CDYL: variants seen among roughly 807,000 people sequenced by gnomAD.
The protein encoded by CDYL is chromodomain Y-like protein.
CDYL carries 8 observed loss-of-function variants against 47.3 expected under a neutral mutation model. The ratio of observed to expected loss-of-function variants is 0.17; its 90% CI spans 0.10 to 0.31. CDYL has a LOEUF of 0.31. CDYL is among the 10% of genes least tolerant of loss of function. CDYL has a pLI of 1.00. For synonymous variants in CDYL, 266 were observed against 265.0 expected (o/e 1.00, Z -0.04); for missense variants, 471 against 701.4 (o/e 0.67, Z 3.71).
chr6:4,926,599 G>C (rs1757880856), intron 2 of CDYL, among the ~76,000 whole-genome samples: 1 of 152,170 alleles, frequency 6.6e-6, no homozygotes, highest in Non-Finnish European at 1.5e-5. Flanking sequence ...AGACATTTTT[G>C]TCTGGATTTT....
chr6:4,890,352 A>G (rs1387362426), intron 1 of CDYL, among the ~76,000 whole-genome samples: 3 of 152,214 alleles, frequency 2.0e-5, no homozygotes, highest in Non-Finnish European at 2.9e-5. Flanking sequence ...TTTCCCTGCT[A>G]TGATACGGAC....
intron 2 of CDYL, among the ~76,000 whole-genome samples, chr6:4,722,564 A>G (rs1757392032): frequency 6.6e-6 from 1 of 152,100 alleles, no homozygotes; most frequent in Admixed American, 6.5e-5. Flanking sequence ...TACAGTTTTA[A>G]AACTAAAACT....
At chr6:4,707,579 A>G (rs890470709) in intron 1 of CDYL, among the ~76,000 whole-genome samples, 4 of 152,124 alleles carry the variant, frequency 2.6e-5, no homozygotes, top group African/African-American at 9.7e-5. Context: ...GCTGTCTGTT[A>G]AACTGTTTAC....
upstream of CDYL, chr6:4,775,189 C>G (rs1186626116): frequency 6.5e-6 from 1 of 152,896 alleles, no homozygotes; most frequent in Non-Finnish European, 1.5e-5. This position sits in a 1 kb window ranked among gnomAD's most constrained non-coding sequence, Gnocchi z 7.0. Flanking sequence ...CATGGAGGAA[C>G]TGGCGAGGGC....
chr6:4,768,988 C>T (rs529256594), intron 3 of CDYL, among the ~76,000 whole-genome samples: 10 of 152,208 alleles, frequency 6.6e-5, no homozygotes, highest in South Asian at 2.1e-4. Flanking sequence ...ATTCTGCAAA[C>T]GTTTCACAAA....
chr6:4,890,195 T>A, intron 1 of CDYL: 3 of 970,420 alleles, frequency 3.1e-6, no homozygotes, highest in Non-Finnish European at 3.7e-6. Flanking sequence ...TCATTGCCCC[T>A]TTTCTTTTAA....
intron 1 of CDYL, among the ~76,000 whole-genome samples, chr6:4,877,214 A>C (rs1761644128): frequency 6.6e-6 from 1 of 152,190 alleles, no homozygotes; most frequent in Non-Finnish European, 1.5e-5. Flanking sequence ...TGTTTCATAG[A>C]TATTATCTCC....
chr6:4,927,231 G>T (rs1757901449), intron 2 of CDYL, among the ~76,000 whole-genome samples: 1 of 152,024 alleles, frequency 6.6e-6, no homozygotes. Context: ...GAATTATAAG[G>T]GCAGGGGTTG....
intron 1 of CDYL, chr6:4,714,992 AGTT>A (rs767783422): frequency 5.3e-4 from 81 of 152,280 alleles, no homozygotes; most frequent in African/African-American, 1.9e-3. Flanking sequence ...AAATGACCTC[AGTT>A]GTTTTTTATT....
intron 2 of CDYL, among the ~76,000 whole-genome samples, chr6:4,911,491 G>A (rs1757414907): frequency 6.6e-6 from 1 of 152,176 alleles, no homozygotes; most frequent in African/African-American, 2.4e-5. Context: ...TGAACAAAAT[G>A]TGTCCGCACC....
chr6:4,769,436 G>A (rs1055867152), intron 3 of CDYL, among the ~76,000 whole-genome samples: 99 of 152,072 alleles, frequency 6.5e-4, no homozygotes, highest in African/African-American at 2.3e-3. Context: ...GTCTGAATAC[G>A]GAAATCATAT....
chr6:4,802,346 T>C (rs1390807698), intron 1 of CDYL, among the ~76,000 whole-genome samples: 1 of 152,156 alleles, frequency 6.6e-6, no homozygotes, highest in Non-Finnish European at 1.5e-5. Context: ...GAGACAAGCC[T>C]GGGCAACATA....
intron 1 of CDYL, among the ~76,000 whole-genome samples, chr6:4,888,164 T>C (rs2127481890): frequency 6.6e-6 from 1 of 152,264 alleles, no homozygotes; most frequent in African/African-American, 2.4e-5. Flanking sequence ...TTGTGATGTC[T>C]TTTGTTTTGG....
chr6:4,951,979 G>A (rs1758718207), intron 5 of CDYL, among the ~76,000 whole-genome samples: 3 of 152,128 alleles, frequency 2.0e-5, no homozygotes, highest in Admixed American at 2.0e-4. Flanking sequence ...TTCTATTTTA[G>A]ATTTCTTTAT....
intron 5 of CDYL, among the ~76,000 whole-genome samples, chr6:4,948,331 T>G (rs1167822918): frequency 6.6e-6 from 1 of 152,210 alleles, no homozygotes; most frequent in Non-Finnish European, 1.5e-5. Context: ...TGGAGCTGAA[T>G]GCTGCTCAGG....
intron 5 of CDYL, among the ~76,000 whole-genome samples, chr6:4,949,150 G>T (rs1758619190): frequency 6.6e-6 from 1 of 152,278 alleles, no homozygotes; most frequent in Non-Finnish European, 1.5e-5. Flanking sequence ...GTCTCTTCCA[G>T]TTTAGCCTTC....
intron 1 of CDYL, among the ~76,000 whole-genome samples, chr6:4,855,575 T>C (rs1760982117): frequency 6.6e-6 from 1 of 152,206 alleles, no homozygotes; most frequent in Non-Finnish European, 1.5e-5. Context: ...CACACAGTTT[T>C]TTTCCATTTG....
intron 1 of CDYL, among the ~76,000 whole-genome samples, chr6:4,847,633 A>C (rs903501152): frequency 6.6e-6 from 1 of 152,182 alleles, no homozygotes; most frequent in East Asian, 1.9e-4. Context: ...TAGTCACTTC[A>C]TTGTATGTAT....
chr6:4,908,951 G>C (rs1290562986), intron 2 of CDYL, among the ~76,000 whole-genome samples: 1 of 149,648 alleles, frequency 6.7e-6, no homozygotes. Flanking sequence ...GCCACAAAAG[G>C]TTCTATGCTT....
Sources: gnomAD v4.1 joint callset for allele counts (sites outside exome capture counted in the v4.1 genomes callset) on GRCh38, gnomAD v4.1.1 for gene constraint, Gnocchi (gnomAD v3.1) non-coding constraint, MANE v1.5 for transcripts, NCBI Gene and HGNC (gene_info 2026-07-23, HGNC 2026-07-21) for gene names.